Variants in ANK3 observed in about 807,000 individuals in gnomAD.
The protein encoded by ANK3 is ankyrin-3.
ANK3 carries 57 observed loss-of-function variants against 370.9 expected under a neutral mutation model. The ratio of observed to expected loss-of-function variants is 0.15; its 90% CI spans 0.12 to 0.19. The LOEUF (loss-of-function observed/expected upper bound fraction) is 0.19, where lower values mean the gene tolerates loss of function less well. Among genes scored for constraint, ANK3 ranks in the 10% least tolerant of loss-of-function variants. The pLI, the probability that ANK3 is intolerant of heterozygous loss-of-function variation, is 1.00. For synonymous variants in ANK3, 1,929 were observed against 1,946.3 expected (o/e 0.99, Z 0.23); for missense variants, 4,439 against 5,302.1 (o/e 0.84, Z 5.06).
At chr10:60,101,830 T>A (rs1357406755) in intron 28 of ANK3, among the ~76,000 whole-genome samples, 2 of 152,194 alleles carry the variant, frequency 1.3e-5, no homozygotes, top group African/African-American at 4.8e-5. Flanking sequence ...TTTTGTGTCA[T>A]ACAAAGAAAC....
intron 2 of ANK3, among the ~76,000 whole-genome samples, chr10:60,556,156 T>C (rs1005696537): frequency 5.9e-4 from 90 of 152,324 alleles, no homozygotes; most frequent in African/African-American, 2.0e-3. Context: ...TAGAAAATGA[T>C]AATTACATAC....
At chr10:60,132,167 A>T (rs1400970092) in intron 25 of ANK3, among the ~76,000 whole-genome samples, 1 of 152,162 alleles carries the variant, frequency 6.6e-6, no homozygotes, top group African/African-American at 2.4e-5. Context: ...GCAACACCTT[A>T]TACCCAAGAC....
At chr10:60,078,343 C>A (rs1309387853) in intron 36 of ANK3, among the ~76,000 whole-genome samples, 1 of 152,128 alleles carries the variant, frequency 6.6e-6, no homozygotes, top group African/African-American at 2.4e-5. Flanking sequence ...TATTCATTAC[C>A]CCTTCTTGCC....
At chr10:60,322,467 GAAAAAATA>G (rs2048876384) in intron 1 of ANK3, among the ~76,000 whole-genome samples, 1 of 149,398 alleles carries the variant, frequency 6.7e-6, no homozygotes, top group African/African-American at 2.5e-5. Flanking sequence ...GGTATTATTT[GAAAAAATA>G]AAAATAAAAA....
Position 60,074,234 on chromosome 10 carries a change from A to T in ANK3, c.6647T>A (p.Val2216Asp). 6.2e-7 allele frequency: 1 copy of T among 1,614,080 alleles called. No homozygotes were observed. The highest frequency in any genetic ancestry group is 8.5e-7 in the Non-Finnish European group (1 of 1,179,988). Residue 2216 changes from valine (V) to aspartate (D), a missense_variant, in exon 37 of 44, where the codon GTT becomes GAT. Physicochemically the swap from Val to Asp is radical, Grantham distance 152. This residue lies in a region of ANK3 where 1,601 missense variants were observed against 1,731.7 expected (regional missense o/e 0.92). Coordinates refer to ENST00000280772, the MANE Select transcript of ANK3 (RefSeq NM_020987.5). Reference sequence around the variant, plus strand: ...ACTGGCTTTCATTTGAAATGCTTTAACCTTTTCTTTAATACTAGAGGTGGT... The same window carrying T: ...ACTGGCTTTCATTTGAAATGCTTTATCCTTTTCTTTAATACTAGAGGTGGT... ...KPTTSSIKEK[V>D]KAFQMKASSE...
chr10:60,276,197 A>G (rs951480991), intron 4 of ANK3, among the ~76,000 whole-genome samples: 5 of 152,068 alleles, frequency 3.3e-5, no homozygotes, highest in African/African-American at 1.2e-4. Flanking sequence ...AGATAAGGAG[A>G]ATTTTTATAG....
At chr10:60,123,373 C>T (rs2093601134) in intron 25 of ANK3, among the ~76,000 whole-genome samples, 1 of 152,116 alleles carries the variant, frequency 6.6e-6, no homozygotes, top group African/African-American at 2.4e-5. Flanking sequence ...TCTCACTAGT[C>T]CTATTCATCA....
chr10:60,242,099 A>G (rs1020385705), intron 7 of ANK3, among the ~76,000 whole-genome samples: 2 of 152,094 alleles, frequency 1.3e-5, no homozygotes, highest in Admixed American at 6.6e-5. Context: ...ACTTTCTTCC[A>G]TGAGGATCTC....
rs138339150 is a variant in ANK3 at position 60,070,422 on chromosome 10, A to G, written c.10459T>C (p.Ser3487Pro). The G allele has an allele frequency of 6.8e-6, 11 of 1,614,084 alleles. No individual in the cohort carries two copies. The Admixed American group carries it at 1.8e-4, about 27-fold the overall frequency. Residue 3487 changes from serine (S) to proline (P), a missense_variant, in exon 37 of 44, where the codon TCT (serine) becomes CCT (proline). Physicochemically the swap from Ser to Pro is moderately conservative, Grantham distance 74. This residue lies in a region of ANK3 where 1,601 missense variants were observed against 1,731.7 expected (regional missense o/e 0.92). Transcript: ENST00000280772. The surrounding 1 kb of genome is among the most constrained non-coding windows in gnomAD (Gnocchi z 5.7). Reference protein sequence around the residue: ...EDKPPSKSSSSEKTPDKTDQK... With the variant: ...EDKPPSKSSSPEKTPDKTDQK... ...TCAGTCTTATCAGGAGTCTTTTCAG[A>G]TGAAGAACTTTTAGAAGGTGGCTTG...
chr10:60,212,400 A>C (rs1364854705), intron 9 of ANK3, among the ~76,000 whole-genome samples: 1 of 152,140 alleles, frequency 6.6e-6, no homozygotes, highest in African/African-American at 2.4e-5. Flanking sequence ...GAGAGATGAT[A>C]ATGTGGCTTA....
At chr10:60,607,893 T>C (rs985773993) in intron 2 of ANK3, among the ~76,000 whole-genome samples, 5 of 152,164 alleles carry the variant, frequency 3.3e-5, no homozygotes, top group Admixed American at 2.6e-4. Flanking sequence ...GGGAGAAACC[T>C]ACCTAATGTC....
chr10:60,612,692 C>T (rs1028953678), intron 2 of ANK3, among the ~76,000 whole-genome samples: 3 of 152,062 alleles, frequency 2.0e-5, no homozygotes, highest in Admixed American at 6.6e-5. Context: ...GGGGTTTCAC[C>T]GTGTTAGCCA....
intron 2 of ANK3, among the ~76,000 whole-genome samples, chr10:60,400,583 A>T (rs938253352): frequency 1.8e-4 from 27 of 152,168 alleles, no homozygotes; most frequent in African/African-American, 6.3e-4. Context: ...TTTACATTAC[A>T]ATAAAAACTT....
At chr10:60,670,547 C>A (rs1272349732) in intron 1 of ANK3, among the ~76,000 whole-genome samples, 2 of 152,158 alleles carry the variant, frequency 1.3e-5, no homozygotes, top group Non-Finnish European at 2.9e-5. Flanking sequence ...GGCCTCCCTG[C>A]TTCCACTCCT....
intron 2 of ANK3, among the ~76,000 whole-genome samples, chr10:60,551,282 A>T (rs2077082580): frequency 6.6e-6 from 1 of 152,190 alleles, no homozygotes; most frequent in Non-Finnish European, 1.5e-5. Flanking sequence ...AAAAATAAGA[A>T]TCAGATTGAA....
At chr10:60,673,091 C>T (rs1375075877) in intron 1 of ANK3, among the ~76,000 whole-genome samples, 2 of 150,000 alleles carry the variant, frequency 1.3e-5, no homozygotes, top group African/African-American at 4.9e-5. Flanking sequence ...GACCATCTAT[C>T]TAAAACCTAT....
chr10:60,680,007 C>T (rs1375564559), intron 1 of ANK3, among the ~76,000 whole-genome samples: 2 of 151,494 alleles, frequency 1.3e-5, no homozygotes, highest in Non-Finnish European at 2.9e-5. Context: ...TGGTGGTGGG[C>T]ACCTGCAGTC....
At chr10:60,403,569 C>A (rs10994329) in intron 2 of ANK3, among the ~76,000 whole-genome samples, 15,011 of 152,142 alleles carry the variant, frequency 0.099, 1,097 homozygotes, top group East Asian at 0.26. Flanking sequence ...AAAGTATTGG[C>A]CCTTTTTAAT....
At chr10:60,508,009 G>C (rs935185083) in intron 2 of ANK3, 1 of 152,078 alleles carries the variant, frequency 6.6e-6, no homozygotes. Context: ...GATTAGAACT[G>C]TGAATTTTTT....
Sources: gnomAD v4.1 joint callset for allele counts (sites outside exome capture counted in the v4.1 genomes callset) on GRCh38, gnomAD v4.1.1 for gene constraint, gnomAD v4.1.1 regional missense constraint, Gnocchi (gnomAD v3.1) non-coding constraint, MANE v1.5 for transcripts, NCBI Gene and HGNC (gene_info 2026-07-23, HGNC 2026-07-21) for gene names.